RPA1: variants seen among roughly 807,000 people sequenced by gnomAD.
The protein encoded by RPA1 is replication protein A1.
A neutral mutation model predicts 83.0 loss-of-function variants in RPA1; 49 were observed. The ratio of observed to expected loss-of-function variants is 0.59; its 90% CI spans 0.47 to 0.75. The LOEUF (loss-of-function observed/expected upper bound fraction) is 0.75. Among genes scored for constraint, RPA1 ranks in the 30% least tolerant of loss-of-function variants. The pLI is 0.00. For missense variants in RPA1, 693 were observed against 776.1 expected (o/e 0.89, Z 1.27); for synonymous variants, 279 against 281.8 (o/e 0.99, Z 0.10).
intron 2 of RPA1, among the ~76,000 whole-genome samples, chr17:1,843,578 C>T (rs1028237724): frequency 3.4e-5 from 5 of 147,328 alleles, no homozygotes; most frequent in African/African-American, 1.2e-4. Flanking sequence ...TACACAGCAC[C>T]TTGTGTATAT....
intron 7 of RPA1, 112 bp from the exon 8 acceptor site, chr17:1,877,100 A>C: frequency 1.1e-6 from 1 of 933,638 alleles, no homozygotes. Flanking sequence ...ATTAAAATAC[A>C]GGTTGGAAAA....
intron 13 of RPA1, among the ~76,000 whole-genome samples, chr17:1,886,547 C>T (rs993146151): frequency 3.3e-5 from 5 of 152,186 alleles, no homozygotes; most frequent in African/African-American, 1.2e-4. Flanking sequence ...TTGAGTGCAG[C>T]CACCTTCATT....
intron 3 of RPA1, 53 bp downstream of exon 3, chr17:1,844,051 ACAC>A (rs1912164529): frequency 6.6e-7 from 1 of 1,509,530 alleles, no homozygotes; most frequent in Admixed American, 1.7e-5. Flanking sequence ...TAGTAGAAGC[ACAC>A]CTGGTCCTTT....
chr17:1,835,490 CTG>C (rs1396019217), intron 1 of RPA1, among the ~76,000 whole-genome samples: 1 of 152,086 alleles, frequency 6.6e-6, no homozygotes, highest in African/African-American at 2.4e-5. Context: ...TTGTAAACAG[CTG>C]ATTTCTTTGG....
In RPA1 at chr17:1,842,804, C is replaced by G; in HGVS notation, c.35C>G (p.Ala12Gly). ...VGQLSEGAIA[A>G]IMQKGDTNIK... ...ACAAACCTGTTTTTACTCCCTCAGGCCATCATGCAGAAGGGGGATACAAAC... is the reference window on the plus strand; with the variant it reads ...ACAAACCTGTTTTTACTCCCTCAGGGCATCATGCAGAAGGGGGATACAAAC... Residue 12 changes from alanine (A) to glycine (G), a missense_variant and splice_region_variant, in exon 2 of 17, where the codon GCC (alanine) becomes GGC (glycine). Coordinates refer to ENST00000254719, the MANE Select transcript of RPA1 (RefSeq NM_002945.5). The G allele has an allele frequency of 6.2e-7, 1 of 1,613,984 alleles. No homozygotes were observed. Among genetic ancestry groups the G allele is most frequent in the Non-Finnish European group, 8.5e-7 (1 of 1,179,880 alleles).
intron 4 of RPA1, among the ~76,000 whole-genome samples, chr17:1,850,852 A>C (rs1193976243): frequency 6.6e-6 from 1 of 152,152 alleles, no homozygotes; most frequent in Non-Finnish European, 1.5e-5. Context: ...AGATTGTGCC[A>C]CTGCGCTCCA....
At chr17:1,859,510 C>CTT (rs756921799) in intron 5 of RPA1, among the ~76,000 whole-genome samples, 2 of 152,136 alleles carry the variant, frequency 1.3e-5, no homozygotes, top group Non-Finnish European at 2.9e-5. Context: ...ATTTAGAATT[C>CTT]TTGTGTCCAC....
intron 5 of RPA1, among the ~76,000 whole-genome samples, chr17:1,865,614 C>G (rs1913147116): frequency 6.6e-6 from 1 of 152,138 alleles, no homozygotes; most frequent in Middle Eastern, 3.2e-3. Context: ...CCTACCCTTG[C>G]CGCCCCTGCC....
chr17:1,839,677 A>G (rs567901389), intron 1 of RPA1, among the ~76,000 whole-genome samples: 5 of 150,564 alleles, frequency 3.3e-5, no homozygotes, highest in South Asian at 4.2e-4. Context: ...TAGTCATCCA[A>G]GCTGGAGTGC....
intron 5 of RPA1, chr17:1,858,205 G>A: frequency 6.2e-7 from 1 of 1,613,968 alleles, no homozygotes; most frequent in Non-Finnish European, 8.5e-7. Context: ...AAACTTAGCT[G>A]TGTGGATCAG....
Position 1,843,980 on chromosome 17 carries a change from G to A in RPA1, c.145G>A (p.Gly49Arg), listed in dbSNP as rs372026366. Residue 49 changes from glycine (G) to arginine (R), a missense_variant, in exon 3 of 17, where the codon GGA becomes AGA. Gly to Arg is a moderately radical substitution (Grantham distance 125). Coordinates refer to ENST00000254719, the MANE Select transcript of RPA1 (RefSeq NM_002945.5). Reference sequence around the variant, plus strand: ...GCGTTATCGACTGCTCATGAGTGATGGATTGAACACTCTATCCTGTGAGTA... The same window carrying A: ...GCGTTATCGACTGCTCATGAGTGATAGATTGAACACTCTATCCTGTGAGTA... ...PPRYRLLMSD[G>R]LNTLSSFMLA... is the part of the protein sequence containing the mutation. 7 of 1,613,506 alleles carry A rather than the reference G, an allele frequency of 4.3e-6. No individual in the cohort carries two copies. Among genetic ancestry groups the A allele is most frequent in the African/African-American group, 4.0e-5 (3 of 75,000 alleles).
At chr17:1,874,013 ATATAT>A (rs369107945) in intron 6 of RPA1, among the ~76,000 whole-genome samples, 2 of 81,344 alleles carry the variant, frequency 2.5e-5, no homozygotes, top group African/African-American at 6.0e-5. Flanking sequence ...AAAAAAAAAA[ATATAT>A]ATATATATAT....
chr17:1,883,973 A>G (rs1285065543), intron 13 of RPA1, 29 bp downstream of exon 13: 33 of 1,611,998 alleles, frequency 2.0e-5, no homozygotes, highest in Non-Finnish European at 2.8e-5. Flanking sequence ...CACCTTCACA[A>G]AGGGCTGTAA....
At chr17:1,883,768 T>C in intron 12 of RPA1, 44 bp from the exon 13 acceptor site, 1 of 1,611,072 alleles carries the variant, frequency 6.2e-7, no homozygotes, top group Non-Finnish European at 8.5e-7. Flanking sequence ...AGCAGAAGCA[T>C]GTCACATCAA....
At chr17:1,892,268 A>G (rs1445383869) in intron 15 of RPA1, among the ~76,000 whole-genome samples, 1 of 152,106 alleles carries the variant, frequency 6.6e-6, no homozygotes, top group Non-Finnish European at 1.5e-5. Context: ...GCCACCCGAA[A>G]TGCTGGGATT....
chr17:1,850,619 G>T (rs576553034), intron 4 of RPA1, among the ~76,000 whole-genome samples: 2 of 149,758 alleles, frequency 1.3e-5, no homozygotes, highest in East Asian at 4.0e-4. Flanking sequence ...ATCCTAGGCT[G>T]TGCTGGTGGC....
chr17:1,857,451 C>T (rs1168622371), intron 5 of RPA1, among the ~76,000 whole-genome samples: 6 of 151,862 alleles, frequency 4.0e-5, no homozygotes, highest in Non-Finnish European at 7.4e-5. Flanking sequence ...TATATTTTCT[C>T]CTCAAAAGCA....
intron 1 of RPA1, among the ~76,000 whole-genome samples, chr17:1,841,068 A>G (rs1311256851): frequency 6.6e-6 from 1 of 152,134 alleles, no homozygotes; most frequent in Non-Finnish European, 1.5e-5. Context: ...GTCTCAAAAA[A>G]AATAAAATAA....
At chr17:1,861,495 A>G (rs1280371065) in intron 5 of RPA1, among the ~76,000 whole-genome samples, 3 of 151,974 alleles carry the variant, frequency 2.0e-5, no homozygotes, top group African/African-American at 4.8e-5. Flanking sequence ...TAAAAGTTGA[A>G]TATTTTTGCG....
Sources: gnomAD v4.1 joint callset for allele counts (sites outside exome capture counted in the v4.1 genomes callset) on GRCh38, gnomAD v4.1.1 for gene constraint, MANE v1.5 for transcripts, NCBI Gene and HGNC (gene_info 2026-07-23, HGNC 2026-07-21) for gene names.